SLC25A26: variants seen among roughly 807,000 people sequenced by gnomAD.
SLC25A26 encodes the protein mitochondrial S-adenosylmethionine carrier protein.
A neutral mutation model predicts 37.8 loss-of-function variants in SLC25A26; 36 were observed. The ratio of observed to expected loss-of-function variants is 0.95; its 90% confidence interval spans 0.73 to 1.26. The LOEUF (loss-of-function observed/expected upper bound fraction) is 1.26, where lower values mean the gene tolerates loss of function less well. Among genes scored for constraint, SLC25A26 ranks in the 50% most tolerant of loss-of-function variants. The pLI, the probability that SLC25A26 is intolerant of heterozygous loss-of-function variation, is 0.00. For synonymous variants in SLC25A26, 129 were observed against 122.5 expected (o/e 1.05, Z -0.35); for missense variants, 390 against 331.1 (o/e 1.18, Z -1.38).
chr3:66,198,767 C>T (rs2071077006), intron 1 of SLC25A26, among the ~76,000 whole-genome samples: 1 of 151,896 alleles, frequency 6.6e-6, no homozygotes, highest in Non-Finnish European at 1.5e-5. Context: ...AACCCTGATC[C>T]TCATCCTCAC....
chr3:66,224,796 T>C (rs181481873), intron 1 of SLC25A26, among the ~76,000 whole-genome samples: 46 of 152,294 alleles, frequency 3.0e-4, no homozygotes, highest in African/African-American at 9.6e-4. Flanking sequence ...CTAGATACAA[T>C]GGGGTTACAG....
chr3:66,295,769 A>G (rs2074881792), intron 5 of SLC25A26, among the ~76,000 whole-genome samples: 1 of 150,942 alleles, frequency 6.6e-6, no homozygotes, highest in Non-Finnish European at 1.5e-5. Flanking sequence ...AAGTGCTGGG[A>G]TTACAGGTGC....
At chr3:66,284,803 T>C (rs958091148) in intron 5 of SLC25A26, among the ~76,000 whole-genome samples, 3 of 152,202 alleles carry the variant, frequency 2.0e-5, no homozygotes, top group African/African-American at 7.2e-5. Context: ...TATTGAGATA[T>C]CAAGAAAACA....
intron 3 of SLC25A26, among the ~76,000 whole-genome samples, chr3:66,255,766 A>G (rs565450303): frequency 6.6e-6 from 1 of 152,326 alleles, no homozygotes; most frequent in South Asian, 2.1e-4. Flanking sequence ...TCAAATTCAA[A>G]TCTAAGAAGG....
chr3:66,321,753 T>G (rs2075700414), intron 5 of SLC25A26, among the ~76,000 whole-genome samples: 1 of 98,158 alleles, frequency 1.0e-5, no homozygotes, highest in Admixed American at 1.4e-4. Context: ...TCTGCCTACT[T>G]TTTTTTTTTT....
intron 7 of SLC25A26, 55 bp from the exon 8 acceptor site, chr3:66,369,423 A>G (rs1258746320): frequency 3.4e-6 from 5 of 1,491,108 alleles, no homozygotes; most frequent in Non-Finnish European, 4.6e-6. Context: ...TCTAAAAATT[A>G]CAAAATTATA....
chr3:66,313,275 C>A (rs1404256456), intron 5 of SLC25A26, among the ~76,000 whole-genome samples: 1 of 152,104 alleles, frequency 6.6e-6, no homozygotes, highest in Non-Finnish European at 1.5e-5. Flanking sequence ...ACAGTTAAGT[C>A]TTTGATCCAT....
At chr3:66,208,953 T>C (rs1439729760) in intron 1 of SLC25A26, among the ~76,000 whole-genome samples, 11 of 111,146 alleles carry the variant, frequency 9.9e-5, no homozygotes, top group Non-Finnish European at 1.8e-4. Context: ...CATTTATATA[T>C]ATATACCCAT....
chr3:66,244,076 C>T (rs530610033), intron 3 of SLC25A26, among the ~76,000 whole-genome samples: 1 of 152,276 alleles, frequency 6.6e-6, no homozygotes, highest in East Asian at 1.9e-4. Flanking sequence ...AGCAACAGCC[C>T]TATACAAACT....
intron 1 of SLC25A26, among the ~76,000 whole-genome samples, chr3:66,134,685 A>G (rs1297471887): frequency 6.6e-6 from 1 of 152,204 alleles, no homozygotes; most frequent in Non-Finnish European, 1.5e-5. Context: ...AAAATCACTA[A>G]AAATCATGTC....
chr3:66,240,951 T>G (rs890177438), intron 2 of SLC25A26, among the ~76,000 whole-genome samples: 2 of 152,076 alleles, frequency 1.3e-5, no homozygotes, highest in African/African-American at 4.8e-5. Context: ...TTTCACTGTG[T>G]TAGCCAAGGA....
intron 5 of SLC25A26, among the ~76,000 whole-genome samples, chr3:66,271,402 C>G (rs1006077600): frequency 6.6e-6 from 1 of 152,086 alleles, no homozygotes; most frequent in African/African-American, 2.4e-5. Context: ...AATGCTCTGG[C>G]TAATTGACTC....
chr3:66,343,982 C>T (rs1457135058), intron 5 of SLC25A26, among the ~76,000 whole-genome samples: 5 of 152,110 alleles, frequency 3.3e-5, no homozygotes, highest in African/African-American at 4.8e-5. Flanking sequence ...TTCGGGGGGG[C>T]TGGCTGCCTG....
chr3:66,266,598 A>G (rs1329792353), intron 5 of SLC25A26, among the ~76,000 whole-genome samples: 6 of 55,404 alleles, frequency 1.1e-4, no homozygotes, highest in African/African-American at 5.1e-4. Flanking sequence ...TTTTTTTTTT[A>G]CTGCATTTGA....
chr3:66,278,320 A>C (rs945725738), intron 5 of SLC25A26, among the ~76,000 whole-genome samples: 6 of 152,160 alleles, frequency 3.9e-5, no homozygotes, highest in African/African-American at 1.4e-4. Context: ...GTTAACTTGT[A>C]TTAAAATAAT....
intron 6 of SLC25A26, among the ~76,000 whole-genome samples, chr3:66,362,239 A>C (rs2076725066): frequency 6.6e-6 from 1 of 152,228 alleles, no homozygotes; most frequent in Non-Finnish European, 1.5e-5. Flanking sequence ...CCTGTATACA[A>C]ATGTTCATGG....
At chr3:66,224,215 T>C (rs1271456456) in intron 1 of SLC25A26, among the ~76,000 whole-genome samples, 1 of 152,218 alleles carries the variant, frequency 6.6e-6, no homozygotes, top group African/African-American at 2.4e-5. Context: ...TAAGTATTTT[T>C]GGTGGTAGGA....
intron 1 of SLC25A26, among the ~76,000 whole-genome samples, chr3:66,209,459 GTA>G (rs1330014011): frequency 2.0e-4 from 28 of 137,708 alleles, no homozygotes; most frequent in African/African-American, 6.3e-4. Context: ...ATATAAAGGT[GTA>G]TATATATATA....
intron 5 of SLC25A26, among the ~76,000 whole-genome samples, chr3:66,270,924 C>T (rs896754426): frequency 5.3e-5 from 8 of 152,140 alleles, no homozygotes; most frequent in East Asian, 1.9e-4. Context: ...ATTTCATTTA[C>T]GCTGTGAAGT....
Sources: gnomAD v4.1 joint callset for allele counts (sites outside exome capture counted in the v4.1 genomes callset) on GRCh38, gnomAD v4.1.1 for gene constraint, MANE v1.5 for transcripts, NCBI Gene and HGNC (gene_info 2026-07-23, HGNC 2026-07-21) for gene names.